The following GALNT17 variants were observed in gnomAD, a reference collection of about 807,000 sequenced individuals.
GALNT17 encodes polypeptide N-acetylgalactosaminyltransferase 17, also known as UDP-GalNAc:polypeptide N-acetylgalactosaminyltransferase-like 3.
A neutral mutation model predicts 63.7 loss-of-function variants in GALNT17; 29 were observed. That is an observed-to-expected ratio of 0.46 (90% CI 0.34 to 0.62). GALNT17 has a LOEUF of 0.62. Among genes scored for constraint, GALNT17 ranks in the 20% least tolerant of loss-of-function variants. The pLI, the probability that GALNT17 is intolerant of heterozygous loss-of-function variation, is 0.01. For missense variants in GALNT17, 603 were observed against 799.6 expected (o/e 0.75, Z 2.97); for synonymous variants, 305 against 318.3 (o/e 0.96, Z 0.45).
chr7:71,275,900 A>G (rs749265676), intron 1 of GALNT17, among the ~76,000 whole-genome samples: 1 of 152,122 alleles, frequency 6.6e-6, no homozygotes, highest in Admixed American at 6.5e-5. Context: ...TCCTGAATAG[A>G]AGTAGAAATG....
At chr7:71,415,386 C>T (rs1341148903) in intron 3 of GALNT17, among the ~76,000 whole-genome samples, 1 of 152,174 alleles carries the variant, frequency 6.6e-6, no homozygotes, top group African/African-American at 2.4e-5. Context: ...CACTTTGCCA[C>T]CTGCTTGTTG....
intron 1 of GALNT17, among the ~76,000 whole-genome samples, chr7:71,183,978 C>T (rs2116319922): frequency 6.6e-6 from 1 of 152,234 alleles, no homozygotes; most frequent in East Asian, 1.9e-4. Flanking sequence ...GAATTGTCTC[C>T]CCACAAATTC....
chr7:71,600,294 G>T (rs1175578611), intron 6 of GALNT17, among the ~76,000 whole-genome samples: 1 of 150,544 alleles, frequency 6.6e-6, no homozygotes, highest in African/African-American at 2.5e-5. Context: ...ATAGGGGGAT[G>T]ATAATAAAAA....
intron 5 of GALNT17, among the ~76,000 whole-genome samples, chr7:71,533,601 C>G (rs966766936): frequency 6.6e-6 from 1 of 152,118 alleles, no homozygotes; most frequent in African/African-American, 2.4e-5. Flanking sequence ...TGGAATAAGG[C>G]GGCATTATCT....
At chr7:71,172,928 C>G (rs992586224) in intron 1 of GALNT17, among the ~76,000 whole-genome samples, 2 of 152,136 alleles carry the variant, frequency 1.3e-5, no homozygotes, top group Non-Finnish European at 2.9e-5. Flanking sequence ...ATGACAGGAA[C>G]AGCAAAACTG....
intron 5 of GALNT17, among the ~76,000 whole-genome samples, chr7:71,556,124 A>T (rs578163388): frequency 5.3e-5 from 8 of 152,314 alleles, no homozygotes; most frequent in African/African-American, 1.9e-4. Context: ...CTACTTTCTT[A>T]CAACTATTTT....
chr7:71,416,363 A>G (rs1793526672), intron 4 of GALNT17, among the ~76,000 whole-genome samples: 1 of 152,150 alleles, frequency 6.6e-6, no homozygotes, highest in African/African-American at 2.4e-5. Context: ...TGTAATCCCT[A>G]CACTTTAGGA....
At chr7:71,225,761 G>A (rs1012231597) in intron 1 of GALNT17, among the ~76,000 whole-genome samples, 3 of 152,144 alleles carry the variant, frequency 2.0e-5, no homozygotes, top group Admixed American at 1.3e-4. Context: ...GGAAAATTGG[G>A]TATAGCATTT....
At chr7:71,332,650 TAAC>T (rs1333481426) in intron 1 of GALNT17, among the ~76,000 whole-genome samples, 1 of 152,056 alleles carries the variant, frequency 6.6e-6, no homozygotes, top group African/African-American at 2.4e-5. Context: ...GTTCTTTTCT[TAAC>T]AACTGGTTTG....
chr7:71,653,477 C>T (rs143276293), intron 6 of GALNT17, among the ~76,000 whole-genome samples: 3,726 of 151,870 alleles, frequency 0.025, 152 homozygotes, highest in African/African-American at 0.079. Flanking sequence ...GTAATCTCAG[C>T]TTATTGCAGC....
chr7:71,281,412 G>T (rs1308238366), intron 1 of GALNT17, among the ~76,000 whole-genome samples: 1 of 152,180 alleles, frequency 6.6e-6, no homozygotes, highest in East Asian at 1.9e-4. Flanking sequence ...GTGCAGACAG[G>T]AAAATAGCCC....
chr7:71,437,185 T>C (rs1453730028), intron 5 of GALNT17, among the ~76,000 whole-genome samples: 1 of 152,176 alleles, frequency 6.6e-6, no homozygotes, highest in African/African-American at 2.4e-5. Flanking sequence ...GTAAACAAGC[T>C]ATTTAGATAA....
chr7:71,423,720 C>T (rs1452906657), intron 5 of GALNT17, among the ~76,000 whole-genome samples: 1 of 151,982 alleles, frequency 6.6e-6, no homozygotes, highest in Non-Finnish European at 1.5e-5. Context: ...TTAAAACCAG[C>T]CTGGGCAACA....
At chr7:71,643,500 A>G (rs4337983) in intron 6 of GALNT17, among the ~76,000 whole-genome samples, 66,094 of 152,076 alleles carry the variant, frequency 0.43, 16,649 homozygotes, top group East Asian at 0.73. Context: ...CACACACCCC[A>G]GCATTTTTAC....
Position 71,679,419 on chromosome 7 carries a change from C to T in GALNT17, c.1500+2113C>T, listed in dbSNP as rs1454464379. Reference sequence around the variant, plus strand: ...TTAAAAAAAGAAAAAAATAAGTGCACGTCTTCATTCATTCATTCACTCAAC... The same window carrying T: ...TTAAAAAAAGAAAAAAATAAGTGCATGTCTTCATTCATTCATTCACTCAAC... On this transcript the variant is annotated intron_variant, in intron 9 of 10. Transcript: ENST00000333538. Among the ~76,000 whole-genome samples, 6 of 152,156 alleles carry T rather than the reference C, an allele frequency of 3.9e-5. No individual in the cohort carries two copies. In the South Asian group the frequency reaches 6.2e-4, roughly 16 times the overall value.
intron 2 of GALNT17, among the ~76,000 whole-genome samples, chr7:71,382,337 G>A (rs1159556660): frequency 2.0e-5 from 3 of 152,086 alleles, no homozygotes; most frequent in African/African-American, 4.8e-5. Flanking sequence ...TCGAGATCAC[G>A]CCATTGCACC....
intron 5 of GALNT17, among the ~76,000 whole-genome samples, chr7:71,494,873 C>T (rs931795483): frequency 2.6e-5 from 4 of 152,178 alleles, no homozygotes; most frequent in South Asian, 4.1e-4. Flanking sequence ...GGGGAACTCC[C>T]GTTTATACAA....
rs181243725 is a variant in GALNT17, at chr7:71,353,435, T to C, written c.422+17702T>C. ...CACCAGTTGTCTCAATAATGTCCTT[T>C]ACAGAAAAAGAAAGTCCTAGATCAT... On this transcript the variant is annotated intron_variant, in intron 2 of 10. Coordinates refer to ENST00000333538, the MANE Select transcript of GALNT17 (RefSeq NM_022479.3). 9.4e-4 allele frequency among the ~76,000 whole-genome samples: 143 copies of C among 152,336 alleles called. 1 individual carries two copies. The highest frequency in any genetic ancestry group is 3.3e-3 in the African/African-American group (136 of 41,584).
At chr7:71,701,241 C>T (rs1042394222) in intron 9 of GALNT17, among the ~76,000 whole-genome samples, 3 of 152,152 alleles carry the variant, frequency 2.0e-5, no homozygotes, top group Non-Finnish European at 4.4e-5. Flanking sequence ...AATCCCAGCA[C>T]TTTGGGAGGC....
Sources: allele counts gnomAD v4.1 joint callset (sites outside exome capture counted in the v4.1 genomes callset), GRCh38; gene constraint gnomAD v4.1.1; transcripts MANE v1.5; gene names NCBI Gene and HGNC (gene_info 2026-07-23, HGNC 2026-07-21).